Variants in EPHX4 observed in about 807,000 individuals in gnomAD.
The protein encoded by EPHX4 is epoxide hydrolase 4.
A neutral mutation model predicts 44.9 loss-of-function variants in EPHX4; 31 were observed. The ratio of observed to expected loss-of-function variants is 0.69; its 90% CI spans 0.52 to 0.93. The LOEUF is 0.93. Among genes scored for constraint, EPHX4 ranks in the 40% least tolerant of loss-of-function variants. The pLI, the probability that EPHX4 is intolerant of heterozygous loss-of-function variation, is 0.00. For synonymous variants in EPHX4, 151 were observed against 159.7 expected (o/e 0.95, Z 0.41); for missense variants, 373 against 438.1 (o/e 0.85, Z 1.33).
At chr1:92,037,068 T>C (rs1688449494) in intron 2 of EPHX4, among the ~76,000 whole-genome samples, 1 of 152,210 alleles carries the variant, frequency 6.6e-6, no homozygotes, top group Non-Finnish European at 1.5e-5. Context: ...AAAAACTTCA[T>C]GCATGGCATT....
chr1:92,062,584 CAAAAAAAAAAAAA>C (rs1167530513), intron 6 of EPHX4, among the ~76,000 whole-genome samples: 2 of 20,090 alleles, frequency 1.0e-4, no homozygotes, highest in African/African-American at 2.5e-4. Context: ...AACTCCATCT[CAAAAAAAAAAAAA>C]AAAAAAAAAA....
intron 6 of EPHX4, among the ~76,000 whole-genome samples, chr1:92,059,732 C>CA (rs1647447925): frequency 1.3e-5 from 2 of 152,076 alleles, no homozygotes; most frequent in Middle Eastern, 3.4e-3. Flanking sequence ...GCAAATGCAA[C>CA]AAAAAATTCT....
chr1:92,063,318 T>G lies in EPHX4; in HGVS notation c.*32T>G, dbSNP rs1304766136. 4 of 1,432,038 alleles carry G rather than the reference T, an allele frequency of 2.8e-6. No individual in the cohort carries two copies. The highest frequency in any genetic ancestry group is 3.7e-6 in the Non-Finnish European group (4 of 1,072,430). 88.7% of individuals were successfully genotyped at this position (1,432,038 alleles called of 1,614,324 possible). On this transcript the variant is annotated 3_prime_UTR_variant, in exon 7 of 7. Coordinates refer to ENST00000370383, the MANE Select transcript of EPHX4 (RefSeq NM_173567.5). ...TTTATCTTCTATGAAGGGTCTGTAA[T>G]GAAATCTCTAAATAATTTTTAAAAA...
intron 2 of EPHX4, among the ~76,000 whole-genome samples, chr1:92,042,050 AAAAC>A (rs1688515404): frequency 1.3e-5 from 2 of 152,154 alleles, no homozygotes; most frequent in South Asian, 4.1e-4. Context: ...ACTCTGTCTC[AAAAC>A]AAACAAACAA....
At chr1:92,034,299 CA>C (rs765695521) in intron 2 of EPHX4, among the ~76,000 whole-genome samples, 15,112 of 52,742 alleles carry the variant, frequency 0.29, 388 homozygotes, top group Non-Finnish European at 0.33. Flanking sequence ...GATTCCGTCT[CA>C]AAAAAAAAAA....
Position 92,035,028 on chromosome 1 carries a change from T to A in EPHX4, c.317+2438T>A, listed in dbSNP as rs532070468. On this transcript the variant is annotated intron_variant, in intron 2 of 6. Transcript: ENST00000370383. Reference sequence around the variant, plus strand: ...TAGTGTACTAGGAGGTATTAGGCATTGAAGAAAAGAGTGGAGGATGGCAAA... The same window carrying A: ...TAGTGTACTAGGAGGTATTAGGCATAGAAGAAAAGAGTGGAGGATGGCAAA... 4.6e-5 allele frequency among the ~76,000 whole-genome samples: 7 copies of A among 152,278 alleles called. No homozygotes were observed. The South Asian group carries it at 1.4e-3, about 32-fold the overall frequency.
intron 2 of EPHX4, among the ~76,000 whole-genome samples, chr1:92,032,883 C>T (rs1465346741): frequency 6.6e-6 from 1 of 152,148 alleles, no homozygotes; most frequent in Non-Finnish European, 1.5e-5. Flanking sequence ...CCTGCATGAC[C>T]TAACCACCTC....
chr1:92,049,406 A>C (rs1036743667), intron 4 of EPHX4, among the ~76,000 whole-genome samples: 7 of 151,890 alleles, frequency 4.6e-5, no homozygotes, highest in Admixed American at 4.6e-4. Flanking sequence ...GCCTTCTTTT[A>C]TTTTCTTTAT....
chr1:92,053,037 C>T (rs1647293620), intron 6 of EPHX4, among the ~76,000 whole-genome samples: 1 of 152,056 alleles, frequency 6.6e-6, no homozygotes. Context: ...ATAAGCAAAA[C>T]TAGATAAGGT....
At chr1:92,040,069 T>A (rs1688488309) in intron 2 of EPHX4, among the ~76,000 whole-genome samples, 1 of 152,130 alleles carries the variant, frequency 6.6e-6, no homozygotes, top group Non-Finnish European at 1.5e-5. Context: ...TTTTCATAAA[T>A]CATAAATATC....
chr1:92,039,761 C>A (rs974257606), intron 2 of EPHX4, among the ~76,000 whole-genome samples: 1 of 152,050 alleles, frequency 6.6e-6, no homozygotes, highest in Non-Finnish European at 1.5e-5. Flanking sequence ...TCAAGCGATT[C>A]TCCTGCCTCA....
At chr1:92,041,435 A>G (rs1028457427) in intron 2 of EPHX4, among the ~76,000 whole-genome samples, 1 of 152,204 alleles carries the variant, frequency 6.6e-6, no homozygotes, top group Non-Finnish European at 1.5e-5. Flanking sequence ...CTTTGACCCT[A>G]TTTGACAGTG....
chr1:92,030,243 C>G lies in EPHX4; in HGVS notation c.164C>G (p.Ala55Gly). ...CCGGCGCAGACCTTCCGGCGGCCCG[C>G]CCGGGAGCACCCTCCCGCGTGCCTG... ...KGPAQTFRRP[A>G]REHPPACLSD... The change falls in exon 1 of 7, where the codon GCC becomes GGC. Residue 55 changes from alanine (A) to glycine (G), a missense_variant. Transcript: ENST00000370383. 6.2e-7 allele frequency: 1 copy of G among 1,602,994 alleles called. No individual in the cohort carries two copies. The highest frequency in any genetic ancestry group is 8.5e-7 in the Non-Finnish European group (1 of 1,175,026).
intron 2 of EPHX4, among the ~76,000 whole-genome samples, chr1:92,040,265 G>T (rs969416350): frequency 7.1e-6 from 1 of 141,336 alleles, no homozygotes; most frequent in Non-Finnish European, 1.5e-5. Flanking sequence ...AAACTCTGCC[G>T]CCTGGGCTTA....
chr1:92,051,409 T>C (rs183048148), intron 5 of EPHX4, among the ~76,000 whole-genome samples: 1 of 152,332 alleles, frequency 6.6e-6, no homozygotes, highest in South Asian at 2.1e-4. Context: ...TATTTAGTTG[T>C]TATGGCTTTT....
chr1:92,045,587 A>G lies in EPHX4; in HGVS notation c.531A>G (p.Leu177=). 6.2e-7 allele frequency: 1 copy of G among 1,614,036 alleles called. No individual in the cohort carries two copies. Among genetic ancestry groups the G allele is most frequent in the South Asian group, 1.1e-5 (1 of 91,076 alleles). The change falls in exon 4 of 7, where the codon CTA becomes CTG. Residue 177 remains leucine (L), a synonymous_variant. Transcript: ENST00000370383. ...ACTGGGGGGGCATGATTGCTTGGCT[A>G]ATTGCCATCTGTTATCCTGAAATGG... ...GHDWGGMIAW[L]IAICYPEMVM...
At chr1:92,050,291 G>A (rs1217576834) in intron 4 of EPHX4, 26 bp from the exon 5 acceptor site, 1 of 1,414,288 alleles carries the variant, frequency 7.1e-7, no homozygotes, top group South Asian at 1.2e-5. Context: ...CCTTGGATAA[G>A]GTCTAACATG....
chr1:92,037,929 G>T (rs930140413), intron 2 of EPHX4, among the ~76,000 whole-genome samples: 1 of 152,174 alleles, frequency 6.6e-6, no homozygotes, highest in Non-Finnish European at 1.5e-5. Context: ...TCATGTAAAT[G>T]ATATGTCCAT....
At chr1:92,062,947 G>A in intron 6 of EPHX4, 108 bp from the exon 7 acceptor site, 2 of 929,882 alleles carry the variant, frequency 2.2e-6, no homozygotes, top group East Asian at 2.4e-5. Flanking sequence ...CACCCTTTTA[G>A]AGGCAAGATT....
Sources: allele counts gnomAD v4.1 joint callset (sites outside exome capture counted in the v4.1 genomes callset), GRCh38; gene constraint gnomAD v4.1.1; transcripts MANE v1.5; gene names NCBI Gene and HGNC (gene_info 2026-07-23, HGNC 2026-07-21).